MECOM: variants seen among roughly 807,000 people sequenced by gnomAD.
MECOM encodes histone-lysine N-methyltransferase MECOM.
MECOM carries 13 observed loss-of-function variants against 116.3 expected under a neutral mutation model. The ratio of observed to expected loss-of-function variants is 0.11; its 90% CI spans 0.07 to 0.18. The LOEUF (loss-of-function observed/expected upper bound fraction) is 0.18, where lower values mean the gene tolerates loss of function less well. MECOM is among the 10% of genes least tolerant of loss of function. The probability of loss-of-function intolerance (pLI) is 1.00; values close to 1 mark genes in which losing one functional copy is unlikely to be tolerated. For synonymous variants in MECOM, 528 were observed against 535.2 expected, an observed-to-expected ratio of 0.99 and a Z score of 0.19; for missense variants, 1,299 against 1,509.0, an observed-to-expected ratio of 0.86 and a Z score of 2.31.
intron 1 of MECOM, among the ~76,000 whole-genome samples, chr3:169,462,092 G>T (rs946478017): frequency 1.3e-5 from 2 of 152,080 alleles, no homozygotes; most frequent in African/African-American, 4.8e-5. Flanking sequence ...GCATTCCAAA[G>T]TGTAAATTTT....
intron 1 of MECOM, among the ~76,000 whole-genome samples, chr3:169,564,818 C>T (rs182030957): frequency 2.7e-5 from 4 of 149,008 alleles, no homozygotes; most frequent in Non-Finnish European, 4.4e-5. Flanking sequence ...GGTGTCCAAA[C>T]AAATGCTGCA....
intron 1 of MECOM, among the ~76,000 whole-genome samples, chr3:169,646,722 C>T (rs768415350): frequency 1.3e-5 from 2 of 151,866 alleles, no homozygotes; most frequent in East Asian, 1.9e-4. Flanking sequence ...GGCATATTTA[C>T]TGTCACAATA....
chr3:169,266,586 A>C (rs1758337843), intron 2 of MECOM, among the ~76,000 whole-genome samples: 2 of 152,208 alleles, frequency 1.3e-5, no homozygotes, highest in African/African-American at 4.8e-5. Context: ...GAGCCAACAC[A>C]GTTCAGAGAC....
At chr3:169,378,537 A>G in intron 2 of MECOM, among the ~76,000 whole-genome samples, 1 of 113,848 alleles carries the variant, frequency 8.8e-6, no homozygotes, top group East Asian at 2.5e-4. Context: ...AAAGAAAGAA[A>G]GAAAGAAAGA....
At chr3:169,238,052 G>A (rs533681547) in intron 2 of MECOM, among the ~76,000 whole-genome samples, 9 of 151,772 alleles carry the variant, frequency 5.9e-5, no homozygotes, top group Non-Finnish European at 1.3e-4. Context: ...GTAGGTGCCT[G>A]TAATTCCAGC....
intron 2 of MECOM, among the ~76,000 whole-genome samples, chr3:169,271,371 C>A (rs998311015): frequency 6.6e-6 from 1 of 152,142 alleles, no homozygotes; most frequent in Admixed American, 6.5e-5. Context: ...CCCAATGTTT[C>A]AACAATCAAA....
chr3:169,490,602 T>C (rs941440834), intron 1 of MECOM, among the ~76,000 whole-genome samples: 4 of 152,190 alleles, frequency 2.6e-5, no homozygotes, highest in Admixed American at 6.5e-5. Flanking sequence ...TGAAGAATGA[T>C]ATGTACAGTA....
chr3:169,527,500 G>A (rs1371397927), intron 1 of MECOM, among the ~76,000 whole-genome samples: 1 of 152,140 alleles, frequency 6.6e-6, no homozygotes, highest in Non-Finnish European at 1.5e-5. Flanking sequence ...TAATCTAAAC[G>A]TGATGGCTTT....
Position 169,115,694 on chromosome 3 carries a change from T to A in MECOM, c.2178A>T (p.Ser726=), listed in dbSNP as rs1237414953. 6.2e-7 allele frequency: 1 copy of A among 1,613,914 alleles called. No homozygotes were observed. The highest frequency in any genetic ancestry group is 8.5e-7 in the Non-Finnish European group (1 of 1,180,016). Residue 726 remains serine (S), a synonymous_variant, in exon 8 of 17, where the codon TCA becomes TCT. Coordinates refer to ENST00000651503, the MANE Select transcript of MECOM (RefSeq NM_004991.4). ...TCTGCAGTTTCTTTACTTCACCTGG[T>A]GATTGGGGTTCCATTTTCAAAGGTA... The part of the protein sequence containing the change: ...RSLPLKMEPQ[S]PGEVKKLQKG...
intron 1 of MECOM, among the ~76,000 whole-genome samples, chr3:169,577,976 A>G (rs6770911): frequency 6.6e-6 from 1 of 151,810 alleles, no homozygotes; most frequent in Non-Finnish European, 1.5e-5. Context: ...CATTCCTTAG[A>G]CAAATTAGGA....
chr3:169,303,802 T>C (rs73034992), intron 2 of MECOM, among the ~76,000 whole-genome samples: 8,318 of 152,292 alleles, frequency 0.055, 670 homozygotes, highest in African/African-American at 0.17. Flanking sequence ...ATGACTTTGT[T>C]TATTGGTTTG....
intron 1 of MECOM, among the ~76,000 whole-genome samples, chr3:169,656,283 T>C (rs1269824285): frequency 2.0e-5 from 3 of 152,222 alleles, no homozygotes; most frequent in South Asian, 4.1e-4. Context: ...TAATGACCCC[T>C]ACACACATGT....
In MECOM at chr3:169,095,245, T is replaced by C. The variant is rs777622718; in HGVS notation, c.2850A>G (p.Arg950=). The C allele has an allele frequency of 6.2e-7, 1 of 1,603,112 alleles. No individual in the cohort carries two copies. The highest frequency in any genetic ancestry group is 1.1e-5 in the South Asian group (1 of 88,048). The change falls in exon 13 of 17, where the codon AGA becomes AGG. Residue 950 remains arginine, a splice_region_variant and synonymous_variant. Coordinates refer to ENST00000651503, the MANE Select transcript of MECOM (RefSeq NM_004991.4). ...TAAATGATCTGTCACAGTATTTGCA[T>C]CTGAAAAATAAACAAAGAGAAAATA... The part of the protein sequence containing the change: ...LRTHTGEQPY[R]CKYCDRSFSI...
chr3:169,184,936 C>G (rs1187401323), intron 2 of MECOM, among the ~76,000 whole-genome samples: 1 of 152,066 alleles, frequency 6.6e-6, no homozygotes. Flanking sequence ...TGGCAAATCA[C>G]TGGACATGGG....
Position 169,124,628 on chromosome 3 carries a change from CT to C in MECOM, c.831-1902del, listed in dbSNP as rs1451661119. On this transcript the variant is annotated intron_variant, in intron 5 of 16. Transcript: ENST00000651503. ...AGTCCTTACTTTCTATAGACACATA[CT>C]GAACTATTTTTGAATAAGATGATAT... 2.6e-5 allele frequency among the ~76,000 whole-genome samples: 4 copies of C among 152,110 alleles called. No individual in the cohort carries two copies. In the East Asian group the frequency reaches 7.7e-4, roughly 29 times the overall value.
At chr3:169,645,900 ACT>A (rs1488708023) in intron 1 of MECOM, among the ~76,000 whole-genome samples, 1 of 151,824 alleles carries the variant, frequency 6.6e-6, no homozygotes, top group Non-Finnish European at 1.5e-5. Flanking sequence ...ATCCCCAAAG[ACT>A]CTGATTTAAT....
chr3:169,132,785 A>G (rs1049312009), intron 3 of MECOM, among the ~76,000 whole-genome samples: 9 of 149,734 alleles, frequency 6.0e-5, no homozygotes, highest in African/African-American at 1.7e-4. Context: ...CAGGGTCTCA[A>G]TCTGTTGCCC....
At chr3:169,403,290 A>G (rs1025398152) in intron 1 of MECOM, among the ~76,000 whole-genome samples, 2 of 152,166 alleles carry the variant, frequency 1.3e-5, no homozygotes, top group Non-Finnish European at 2.9e-5. Context: ...TATTTTCTTG[A>G]TGGAAAAAAT....
chr3:169,630,399 G>C (rs958484715), intron 1 of MECOM, among the ~76,000 whole-genome samples: 1 of 146,692 alleles, frequency 6.8e-6, no homozygotes, highest in Non-Finnish European at 1.5e-5. Context: ...ATCCTCACAA[G>C]TTATGGGGAG....
Sources: allele counts gnomAD v4.1 joint callset (sites outside exome capture counted in the v4.1 genomes callset), GRCh38; gene constraint gnomAD v4.1.1; transcripts MANE v1.5; gene names NCBI Gene and HGNC (gene_info 2026-07-23, HGNC 2026-07-21).